Variants in SIM1 observed in about 807,000 individuals in gnomAD.
The protein encoded by SIM1 is single-minded homolog 1.
SIM1 carries 18 observed loss-of-function variants against 78.2 expected under a neutral mutation model. That is an observed-to-expected ratio of 0.23 (90% CI 0.16 to 0.34). The LOEUF is 0.34. Ranked by LOEUF, SIM1 falls within the 10% of genes least tolerant of loss-of-function variation. SIM1 has a pLI of 1.00. For synonymous variants in SIM1, 417 were observed against 385.2 expected (o/e 1.08, Z -0.97); for missense variants, 939 against 975.1 (o/e 0.96, Z 0.49).
chr6:100,444,398 A>C (rs1772300356), intron 9 of SIM1, among the ~76,000 whole-genome samples: 1 of 152,132 alleles, frequency 6.6e-6, no homozygotes, highest in Non-Finnish European at 1.5e-5. Context: ...AAATGTGTAA[A>C]GCTAACAGGG....
At chr6:100,430,772 G>T (rs982303016) in intron 9 of SIM1, among the ~76,000 whole-genome samples, 1 of 152,074 alleles carries the variant, frequency 6.6e-6, no homozygotes, top group Non-Finnish European at 1.5e-5. Context: ...TTGAGGTTCT[G>T]TTATCACAGA....
At chr6:100,420,229 T>C (rs1771537707) in intron 10 of SIM1, among the ~76,000 whole-genome samples, 1 of 152,226 alleles carries the variant, frequency 6.6e-6, no homozygotes, top group South Asian at 2.1e-4. Flanking sequence ...GGAATACTTC[T>C]TGGGGTCTCA....
rs757787150 is a variant in SIM1, at chr6:100,449,355, C to G, written c.543+8G>C. 3.1e-6 allele frequency: 5 copies of G among 1,610,792 alleles called. No homozygotes were observed. In the East Asian group the frequency reaches 1.1e-4, roughly 36 times the overall value. ...ACTCCACCCGGAGCGGATCTTCCAG[C>G]TACGCACCTTGTAGCCGCCACAGGT... On this transcript the variant is annotated splice_region_variant and intron_variant, in intron 6 of 11. Transcript: ENST00000369208.
intron 10 of SIM1, among the ~76,000 whole-genome samples, chr6:100,408,590 T>C (rs1771110833): frequency 6.6e-6 from 1 of 152,104 alleles, no homozygotes; most frequent in Non-Finnish European, 1.5e-5. Context: ...ACATTTATTC[T>C]ATACTAATTT....
chr6:100,458,532 A>G (rs1028114498), intron 2 of SIM1, among the ~76,000 whole-genome samples: 1 of 152,202 alleles, frequency 6.6e-6, no homozygotes, highest in Non-Finnish European at 1.5e-5. Context: ...GGCTGCTGGC[A>G]CACACCTGCA....
chr6:100,417,472 T>G (rs1771434048), intron 10 of SIM1, among the ~76,000 whole-genome samples: 1 of 152,242 alleles, frequency 6.6e-6, no homozygotes, highest in Non-Finnish European at 1.5e-5. Context: ...AGCTAGCATC[T>G]GTTAAGTCAA....
intron 9 of SIM1, among the ~76,000 whole-genome samples, chr6:100,429,365 T>C (rs9376977): frequency 0.36 from 31,609 of 88,196 alleles, 3,698 homozygotes; most frequent in East Asian, 0.54. Flanking sequence ...TGAGACTCTG[T>C]CTCAAAAAAA....
At chr6:100,408,572 G>A (rs1771110137) in intron 10 of SIM1, among the ~76,000 whole-genome samples, 1 of 151,866 alleles carries the variant, frequency 6.6e-6, no homozygotes, top group Non-Finnish European at 1.5e-5. Flanking sequence ...TCTTTACTAT[G>A]TTGTGTTACA....
chr6:100,412,636 GAAAAGAAAGAAA>G (rs1771248098), intron 10 of SIM1, among the ~76,000 whole-genome samples: 3 of 75,764 alleles, frequency 4.0e-5, no homozygotes, highest in African/African-American at 1.4e-4. Flanking sequence ...AAGAAAGAAA[GAAAAGAAAGAAA>G]GAAAGAAAGA....
At chr6:100,413,774 C>T (rs1347862644) in intron 10 of SIM1, among the ~76,000 whole-genome samples, 2 of 152,174 alleles carry the variant, frequency 1.3e-5, no homozygotes, top group African/African-American at 4.8e-5. Context: ...CTATTTTATA[C>T]TGTTGTGCTC....
At chr6:100,453,659 G>C (rs911785163) in intron 3 of SIM1, 103 bp downstream of exon 3, 1 of 748,242 alleles carries the variant, frequency 1.3e-6, no homozygotes, top group African/African-American at 1.9e-5. Context: ...GGGGTTGTTT[G>C]TTTTTTTTTT....
At chr6:100,408,261 T>A (rs948561357) in intron 10 of SIM1, among the ~76,000 whole-genome samples, 1 of 152,120 alleles carries the variant, frequency 6.6e-6, no homozygotes, top group Non-Finnish European at 1.5e-5. Context: ...ATCATATATA[T>A]GTGGGTTTAT....
rs1237160618 is a variant in SIM1, at chr6:100,453,774, G to C, written c.246C>G (p.Ser82=). Residue 82 remains serine (S), a synonymous_variant, in exon 3 of 12, where the codon TCC becomes TCG. Transcript: ENST00000369208. The stretch of plus-strand genomic sequence containing the variant: ...CCTGCACCTGTACCTGGAGCAGATG[G>C]GAGCCCAGTTCTCGGCCAACGTTGT... ...PLDNVGRELG[S]HLLQTLDGFI... 1.9e-6 allele frequency: 3 copies of C among 1,611,148 alleles called. No homozygotes were observed. The highest frequency in any genetic ancestry group is 1.3e-5 in the African/African-American group (1 of 74,650).
Position 100,449,710 on chromosome 6 carries a change from G to A in SIM1, c.349-11C>T. The A allele has an allele frequency of 6.2e-7, 1 of 1,609,884 alleles. No individual in the cohort carries two copies. Among genetic ancestry groups the A allele is most frequent in the Non-Finnish European group, 8.5e-7 (1 of 1,177,254 alleles). On this transcript the variant is annotated splice_polypyrimidine_tract_variant and intron_variant, in intron 4 of 11. Coordinates refer to ENST00000369208, the MANE Select transcript of SIM1 (RefSeq NM_005068.3). ...TCCGGTCAGCTCTACCTGTAAAGAGGAGGATGTCGCCGTCGCCGTGGCGGT... is the reference window on the plus strand; with the variant it reads ...TCCGGTCAGCTCTACCTGTAAAGAGAAGGATGTCGCCGTCGCCGTGGCGGT...
chr6:100,385,373 T>A lies in SIM1; in HGVS notation c.*4988A>T, dbSNP rs1043138147. ...GAAGTGTCTACTCATAATGTTTCCT[T>A]TTTTGAAATATTTCCCTTCGGAAAA... On this transcript the variant is annotated 3_prime_UTR_variant, in exon 12 of 12. Transcript: ENST00000369208. 5 of 152,060 alleles carry A rather than the reference T, an allele frequency of 3.3e-5. No individual in the cohort carries two copies. The highest frequency in any genetic ancestry group is 7.4e-5 in the Non-Finnish European group (5 of 67,962). The allele number at this position is 152,060 out of a possible 1,614,324, so 9.4% of individuals were successfully genotyped here. A position where few individuals can be genotyped will look rare whatever the true frequency, so the allele number is the denominator to read the frequency against.
At chr6:100,428,440 T>G (rs1228454266) in intron 9 of SIM1, among the ~76,000 whole-genome samples, 1 of 152,182 alleles carries the variant, frequency 6.6e-6, no homozygotes, top group Non-Finnish European at 1.5e-5. Flanking sequence ...TTTTAAAGGT[T>G]TAACCTCATG....
At chr6:100,428,251 A>G (rs1235263933) in intron 9 of SIM1, among the ~76,000 whole-genome samples, 1 of 152,222 alleles carries the variant, frequency 6.6e-6, no homozygotes, top group Non-Finnish European at 1.5e-5. Context: ...CTGGAATTTT[A>G]AATTAATTTC....
chr6:100,420,395 A>C (rs894188170), intron 10 of SIM1, among the ~76,000 whole-genome samples: 1 of 151,972 alleles, frequency 6.6e-6, no homozygotes, highest in Non-Finnish European at 1.5e-5. Flanking sequence ...TCCCCCTCTT[A>C]ATTTTCTTCT....
At chr6:100,439,013 T>G (rs1374866386) in intron 9 of SIM1, among the ~76,000 whole-genome samples, 1 of 152,164 alleles carries the variant, frequency 6.6e-6, no homozygotes, top group South Asian at 2.1e-4. Flanking sequence ...CAGTGTACCC[T>G]GCTTGGGTGA....
Sources: gnomAD v4.1 joint callset for allele counts (sites outside exome capture counted in the v4.1 genomes callset) on GRCh38, gnomAD v4.1.1 for gene constraint, MANE v1.5 for transcripts, NCBI Gene and HGNC (gene_info 2026-07-23, HGNC 2026-07-21) for gene names.